Variants in B3GALT1 observed in about 807,000 individuals in gnomAD.
B3GALT1 encodes the protein UDP-Gal:betaGlcNAc beta 1,3-galactosyltransferase, polypeptide 1.
A neutral mutation model predicts 23.2 loss-of-function variants in B3GALT1; 10 were observed. The ratio of observed to expected loss-of-function variants is 0.43; its 90% CI spans 0.27 to 0.73. The LOEUF (loss-of-function observed/expected upper bound fraction) is 0.73. Ranked by LOEUF, B3GALT1 falls within the 30% of genes least tolerant of loss-of-function variation. The probability of loss-of-function intolerance (pLI) is 0.21; values close to 1 mark genes in which losing one functional copy is unlikely to be tolerated. For synonymous variants in B3GALT1, 156 were observed against 141.5 expected (o/e 1.10, Z -0.73); for missense variants, 299 against 405.4 (o/e 0.74, Z 2.25).
In B3GALT1 at chr2:167,632,743, G is replaced by A. The variant is rs565716509; in HGVS notation, c.-409-14166G>A. 1.1e-3 allele frequency among the ~76,000 whole-genome samples: 173 copies of A among 152,030 alleles called. 1 individual carries two copies. Among genetic ancestry groups the A allele is most frequent in the African/African-American group, 4.0e-3 (168 of 41,502 alleles). On this transcript the variant is annotated intron_variant, in intron 2 of 4. Transcript: ENST00000392690. ...TGCAAAAATTTTCTCCCATTCTGTA[G>A]GTTGCCTGTTCACTCTGATGATAGT... is the stretch of plus-strand genomic sequence containing the variant.
At chr2:167,531,280 G>T (rs925360640) in intron 2 of B3GALT1, among the ~76,000 whole-genome samples, 6 of 152,120 alleles carry the variant, frequency 3.9e-5, no homozygotes, top group Non-Finnish European at 5.9e-5. Flanking sequence ...GTGTGAGGGT[G>T]GATTGGGGTG....
intron 2 of B3GALT1, among the ~76,000 whole-genome samples, chr2:167,492,562 C>T (rs1198878042): frequency 2.0e-5 from 3 of 152,296 alleles, no homozygotes; most frequent in African/African-American, 7.2e-5. Context: ...AACTGTATTT[C>T]AAAGTAGCTG....
chr2:167,795,094 T>C (rs1194380607), intron 3 of B3GALT1, among the ~76,000 whole-genome samples: 1 of 152,176 alleles, frequency 6.6e-6, no homozygotes, highest in African/African-American at 2.4e-5. Context: ...GTGAGTACCA[T>C]GATAGCATGG....
chr2:167,794,766 G>A (rs985949972), intron 3 of B3GALT1, among the ~76,000 whole-genome samples: 1 of 152,170 alleles, frequency 6.6e-6, no homozygotes, highest in Non-Finnish European at 1.5e-5. Context: ...GTGATAAGCT[G>A]TTGACTTTCA....
At chr2:167,308,740 G>C (rs1408951834) in intron 1 of B3GALT1, among the ~76,000 whole-genome samples, 2 of 151,948 alleles carry the variant, frequency 1.3e-5, no homozygotes, top group Non-Finnish European at 1.5e-5. Context: ...ATGACATCCT[G>C]TACTTAATCT....
At chr2:167,814,237 G>A (rs1688946360) in intron 3 of B3GALT1, among the ~76,000 whole-genome samples, 1 of 152,162 alleles carries the variant, frequency 6.6e-6, no homozygotes, top group South Asian at 2.1e-4. Flanking sequence ...GGCTTTGGAG[G>A]TCATATCACT....
At chr2:167,560,463 T>C (rs374896555) in intron 2 of B3GALT1, among the ~76,000 whole-genome samples, 1 of 151,736 alleles carries the variant, frequency 6.6e-6, no homozygotes. Context: ...CAATATTAAC[T>C]TTAAATGTAA....
intron 3 of B3GALT1, among the ~76,000 whole-genome samples, chr2:167,770,730 C>T (rs930688410): frequency 7.2e-5 from 11 of 152,096 alleles, no homozygotes; most frequent in Non-Finnish European, 2.9e-5. Flanking sequence ...ATATTTTCCT[C>T]TAAAAGGTTT....
intron 1 of B3GALT1, among the ~76,000 whole-genome samples, chr2:167,479,202 A>G (rs2105335243): frequency 6.6e-6 from 1 of 152,310 alleles, no homozygotes; most frequent in East Asian, 1.9e-4. Flanking sequence ...TATTGATATT[A>G]GTGTATAGGT....
At chr2:167,354,623 G>A (rs1039121721) in intron 1 of B3GALT1, among the ~76,000 whole-genome samples, 18 of 152,134 alleles carry the variant, frequency 1.2e-4, no homozygotes, top group Non-Finnish European at 2.4e-4. Context: ...GGGATTACAG[G>A]CGTGAGCCAC....
chr2:167,750,923 G>A (rs934039531), intron 3 of B3GALT1, among the ~76,000 whole-genome samples: 7 of 152,132 alleles, frequency 4.6e-5, no homozygotes, highest in Non-Finnish European at 4.4e-5. Context: ...GAAGTAATGG[G>A]TGAATGTAAC....
chr2:167,818,713 T>G lies in B3GALT1; in HGVS notation c.-310T>G, dbSNP rs1395309125. ...CCTGGCACGGGCACCTTGAATCTCC[T>G]CCTCACACAGATGGAGACCATGCTT... On this transcript the variant is annotated 5_prime_UTR_variant, in exon 4 of 5. Coordinates refer to ENST00000392690, the MANE Select transcript of B3GALT1 (RefSeq NM_020981.4). 1.3e-5 allele frequency among the ~76,000 whole-genome samples: 2 copies of G among 152,200 alleles called. No individual in the cohort carries two copies. Among genetic ancestry groups the G allele is most frequent in the South Asian group, 2.1e-4 (1 of 4,832 alleles).
intron 1 of B3GALT1, among the ~76,000 whole-genome samples, chr2:167,395,077 A>T (rs534690965): frequency 1.1e-4 from 17 of 152,172 alleles, no homozygotes; most frequent in African/African-American, 3.4e-4. Context: ...ATATTAGAGG[A>T]TTTTTATTTT....
chr2:167,712,295 CATAGCCATGGTAG>C (rs1283948971), intron 3 of B3GALT1, among the ~76,000 whole-genome samples: 1 of 152,122 alleles, frequency 6.6e-6, no homozygotes, highest in African/African-American at 2.4e-5. Flanking sequence ...TGCAGCATGA[CATAGCCATGGTAG>C]GTAGCCATAC....
chr2:167,835,175 TG>T (rs1476316636), intron 4 of B3GALT1, among the ~76,000 whole-genome samples: 1 of 152,028 alleles, frequency 6.6e-6, no homozygotes, highest in African/African-American at 2.4e-5. Flanking sequence ...TGCCAGACAG[TG>T]GGTGCAGGTT....
At chr2:167,605,146 G>A (rs1199897747) in intron 2 of B3GALT1, among the ~76,000 whole-genome samples, 2 of 152,160 alleles carry the variant, frequency 1.3e-5, no homozygotes, top group South Asian at 2.1e-4. Context: ...GGGACATACT[G>A]TCCCTAAAGC....
At chr2:167,364,014 A>T (rs894358267) in intron 1 of B3GALT1, among the ~76,000 whole-genome samples, 2 of 151,950 alleles carry the variant, frequency 1.3e-5, no homozygotes, top group African/African-American at 4.8e-5. Context: ...GACAAAAAAA[A>T]TTAGCCAGGC....
At chr2:167,427,285 G>A (rs1320334451) in intron 1 of B3GALT1, among the ~76,000 whole-genome samples, 1 of 152,134 alleles carries the variant, frequency 6.6e-6, no homozygotes, top group Non-Finnish European at 1.5e-5. Context: ...GGTGAGGAGA[G>A]CATCTGCTTG....
intron 2 of B3GALT1, among the ~76,000 whole-genome samples, chr2:167,524,551 A>T (rs1252824902): frequency 6.6e-6 from 1 of 152,240 alleles, no homozygotes; most frequent in Admixed American, 6.5e-5. Context: ...AATACTAATC[A>T]AAACTTTGTT....
Sources: allele counts gnomAD v4.1 joint callset (sites outside exome capture counted in the v4.1 genomes callset), GRCh38; gene constraint gnomAD v4.1.1; transcripts MANE v1.5; gene names NCBI Gene and HGNC (gene_info 2026-07-23, HGNC 2026-07-21).